Variants in INTS8 observed in about 807,000 individuals in gnomAD.
INTS8 encodes the protein integrator complex subunit 8.
INTS8 carries 47 observed loss-of-function variants against 138.9 expected under a neutral mutation model. That is an observed-to-expected ratio of 0.34 (90% CI 0.27 to 0.43). The LOEUF (loss-of-function observed/expected upper bound fraction) is 0.43. Ranked by LOEUF, INTS8 falls within the 20% of genes least tolerant of loss-of-function variation. The pLI is 1.00. For synonymous variants in INTS8, 392 were observed against 400.9 expected (o/e 0.98, Z 0.27); for missense variants, 996 against 1,173.0 (o/e 0.85, Z 2.20).
chr8:94,861,413 T>C (rs1429015842), intron 16 of INTS8, among the ~76,000 whole-genome samples: 11 of 144,406 alleles, frequency 7.6e-5, no homozygotes, highest in South Asian at 4.5e-4. Flanking sequence ...AGGCGCCCAC[T>C]GCCATGCCCG....
In INTS8 at chr8:94,838,704, C is replaced by A. The variant is rs191422602; in HGVS notation, c.1017+86C>A. ...CCTCGCACCATCCATTTACCAGTTA[C>A]GCGTTTTGGGGCAAGTCATTTACAC... On this transcript the variant is annotated intron_variant, in intron 8 of 26. Coordinates refer to ENST00000523731, the MANE Select transcript of INTS8 (RefSeq NM_017864.4). 8.8e-5 allele frequency: 99 copies of A among 1,124,520 alleles called. No individual in the cohort carries two copies. The Admixed American group carries it at 1.1e-3, about 12-fold the overall frequency. The allele number at this position is 1,124,520 out of a possible 1,614,324, so 69.7% of individuals were successfully genotyped here.
intron 10 of INTS8, among the ~76,000 whole-genome samples, chr8:94,847,718 G>C (rs1231215616): frequency 1.3e-5 from 2 of 151,974 alleles, no homozygotes; most frequent in African/African-American, 4.8e-5. Context: ...AAATTGAAGT[G>C]CATGAAATTC....
At chr8:94,872,368 G>A (rs148557608) in intron 21 of INTS8, among the ~76,000 whole-genome samples, 5,127 of 152,098 alleles carry the variant, frequency 0.034, 91 homozygotes, top group Non-Finnish European at 0.04. Flanking sequence ...CAAGTAGCTG[G>A]GATTATAGGC....
chr8:94,849,885 T>TGTTTTACAATA, intron 11 of INTS8, 31 bp from the exon 12 acceptor site: 2 of 1,519,852 alleles, frequency 1.3e-6, no homozygotes, highest in Non-Finnish European at 1.8e-6. Context: ...TTATACACTT[T>TGTTTTACAATA]TTTGTTTTAC....
intron 5 of INTS8, among the ~76,000 whole-genome samples, chr8:94,829,298 G>A (rs1814625166): frequency 6.6e-6 from 1 of 151,830 alleles, no homozygotes; most frequent in African/African-American, 2.4e-5. Flanking sequence ...CCCTGAGCTT[G>A]TTTTCCTGCA....
At chr8:94,848,356 A>G (rs1321207247) in intron 10 of INTS8, among the ~76,000 whole-genome samples, 2 of 152,056 alleles carry the variant, frequency 1.3e-5, no homozygotes, top group East Asian at 1.9e-4. Flanking sequence ...TTCACATACC[A>G]TACAGTTCAC....
chr8:94,870,233 A>G (rs1015086249), intron 20 of INTS8, among the ~76,000 whole-genome samples: 3 of 151,908 alleles, frequency 2.0e-5, no homozygotes, highest in Non-Finnish European at 4.4e-5. Flanking sequence ...TTGTATTTTT[A>G]GTAGAGACGG....
At position 94,880,204 on chromosome 8, in the gene INTS8, T is replaced by A; in HGVS notation, c.2958T>A (p.Phe986Leu). The A allele has an allele frequency of 6.2e-7, 1 of 1,608,298 alleles. No individual in the cohort carries two copies. Among genetic ancestry groups the A allele is most frequent in the South Asian group, 1.1e-5 (1 of 90,038 alleles). Reference protein sequence around the residue: ...QLAAQRRKKKFLQAMAKLYF With the variant: ...QLAAQRRKKKLLQAMAKLYF ...CAGCGCAGAGAAGGAAAAAAAAGTTTCTCCAAGCAATGGCAAAACTTTACT... is the reference window on the plus strand; with the variant it reads ...CAGCGCAGAGAAGGAAAAAAAAGTTACTCCAAGCAATGGCAAAACTTTACT... The change falls in exon 27 of 27, where the codon TTT (phenylalanine) becomes TTA (leucine). Residue 986 changes from phenylalanine to leucine, a missense_variant. Physicochemically the swap from Phe to Leu is conservative, Grantham distance 22. Transcript: ENST00000523731.
chr8:94,859,654 G>C, intron 16 of INTS8, 22 bp downstream of exon 16: 1 of 1,568,780 alleles, frequency 6.4e-7, no homozygotes, highest in South Asian at 1.1e-5. Flanking sequence ...TTAAATAAAA[G>C]GATTGTTAGG....
At chr8:94,863,235 T>C (rs1309793644) in intron 16 of INTS8, among the ~76,000 whole-genome samples, 1 of 152,188 alleles carries the variant, frequency 6.6e-6, no homozygotes, top group African/African-American at 2.4e-5. Context: ...ACCAGGCTTC[T>C]TAAGGTGTGC....
chr8:94,860,203 A>C (rs533696662), intron 16 of INTS8: 1 of 152,258 alleles, frequency 6.6e-6, no homozygotes, highest in Non-Finnish European at 1.5e-5. Flanking sequence ...GGTTTTTTCT[A>C]AGATTATATC....
intron 21 of INTS8, among the ~76,000 whole-genome samples, chr8:94,872,234 A>AT (rs563370301): frequency 6.6e-5 from 10 of 151,300 alleles, no homozygotes; most frequent in East Asian, 1.9e-4. Context: ...AAAACAGTGA[A>AT]TTTTTTTTTG....
At position 94,836,625 on chromosome 8, in the gene INTS8, T is replaced by C. The variant is rs762381138; in HGVS notation, c.855T>C (p.Ile285=). 1.3e-6 allele frequency: 2 copies of C among 1,584,212 alleles called. No homozygotes were observed. Among genetic ancestry groups the C allele is most frequent in the Non-Finnish European group, 1.7e-6 (2 of 1,152,936 alleles). ...AATTTTTTAGAACCAAAGAACTAAT[T>C]GCAGAGGTAAATCCAGTCATAATAG... ...REKFFRTKEL[I]AEIGSLSLHC... The change falls in exon 7 of 27, where the codon ATT becomes ATC. Residue 285 remains isoleucine, a synonymous_variant. Transcript: ENST00000523731.
intron 16 of INTS8, chr8:94,864,827 G>A (rs1816117693): frequency 6.6e-6 from 1 of 152,146 alleles, no homozygotes; most frequent in African/African-American, 2.4e-5. Flanking sequence ...GGTCATTGAG[G>A]CTGCCTTTAT....
At chr8:94,860,084 G>T (rs945325836) in intron 16 of INTS8, 1 of 153,028 alleles carries the variant, frequency 6.5e-6, no homozygotes, top group African/African-American at 2.4e-5. Context: ...CCTAGTGAAA[G>T]AATTTATTCA....
In INTS8 at chr8:94,876,434, C is replaced by T; in HGVS notation, c.2828-12C>T. 2.0e-6 allele frequency: 3 copies of T among 1,513,132 alleles called. No homozygotes were observed. Among genetic ancestry groups the T allele is most frequent in the Non-Finnish European group, 2.7e-6 (3 of 1,098,966 alleles). 93.7% of individuals were successfully genotyped at this position (1,513,132 alleles called of 1,614,324 possible). The stretch of plus-strand genomic sequence containing the variant: ...ATACTATCAGATTTATTTTCCTTAA[C>T]TGATTCATTAGATCTTCATCATAAA... On this transcript the variant is annotated splice_polypyrimidine_tract_variant and intron_variant, in intron 25 of 26. Transcript: ENST00000523731.
At chr8:94,851,017 G>C (rs1319369766) in intron 12 of INTS8, among the ~76,000 whole-genome samples, 1 of 152,196 alleles carries the variant, frequency 6.6e-6, no homozygotes, top group African/African-American at 2.4e-5. Context: ...TAAAGGAAAA[G>C]GGTAAGGTTA....
At chr8:94,848,392 G>A (rs1018181375) in intron 10 of INTS8, among the ~76,000 whole-genome samples, 11 of 152,174 alleles carry the variant, frequency 7.2e-5, no homozygotes, top group South Asian at 6.2e-4. Context: ...AAGTCAGTGC[G>A]TTTTAGTGTA....
chr8:94,852,593 GT>G (rs112550808), intron 13 of INTS8, among the ~76,000 whole-genome samples: 47 of 142,880 alleles, frequency 3.3e-4, no homozygotes, highest in African/African-American at 4.1e-4. Context: ...TGTATGGTTT[GT>G]TTTTTTTTTT....
Sources: allele counts gnomAD v4.1 joint callset (sites outside exome capture counted in the v4.1 genomes callset), GRCh38; gene constraint gnomAD v4.1.1; transcripts MANE v1.5; gene names NCBI Gene and HGNC (gene_info 2026-07-23, HGNC 2026-07-21).